The following AGBL1 variants were observed in gnomAD, a reference collection of about 807,000 sequenced individuals.
AGBL1 encodes AGBL carboxypeptidase 1.
Under a neutral mutation model 118.9 loss-of-function variants are expected in AGBL1, and 130 were observed. The ratio of observed to expected loss-of-function variants is 1.09; its 90% CI spans 0.95 to 1.26. The LOEUF (loss-of-function observed/expected upper bound fraction) is 1.26. AGBL1 is among the 50% of genes most tolerant of loss of function. The probability of loss-of-function intolerance (pLI) is 0.00; values close to 1 mark genes in which losing one functional copy is unlikely to be tolerated. For synonymous variants in AGBL1, 555 were observed against 478.9 expected, an observed-to-expected ratio of 1.16 and a Z score of -2.08; for missense variants, 1,584 against 1,298.1, an observed-to-expected ratio of 1.22 and a Z score of -3.38.
chr15:86,476,109 C>A (rs1439948957), intron 18 of AGBL1, among the ~76,000 whole-genome samples: 1 of 152,204 alleles, frequency 6.6e-6, no homozygotes, highest in Non-Finnish European at 1.5e-5. Context: ...ACAACCAGTA[C>A]CAGCCACTGC....
At chr15:86,225,371 A>G (rs547037649) in intron 6 of AGBL1, among the ~76,000 whole-genome samples, 18 of 152,298 alleles carry the variant, frequency 1.2e-4, no homozygotes, top group Non-Finnish European at 2.2e-4. Flanking sequence ...GGCTGGCTGG[A>G]GAGAAGTATT....
chr15:86,695,410 T>C (rs1434115439), intron 22 of AGBL1, among the ~76,000 whole-genome samples: 1 of 152,012 alleles, frequency 6.6e-6, no homozygotes, highest in Non-Finnish European at 1.5e-5. Flanking sequence ...CTGAATGATC[T>C]TTTGTATTTC....
intron 21 of AGBL1, among the ~76,000 whole-genome samples, chr15:86,634,638 G>T (rs1486030366): frequency 1.3e-5 from 2 of 152,086 alleles, no homozygotes; most frequent in African/African-American, 2.4e-5. Flanking sequence ...TAGTGGTGAG[G>T]CCTGTACAAC....
intron 5 of AGBL1, among the ~76,000 whole-genome samples, chr15:86,188,029 GT>G (rs2077660693): frequency 6.6e-6 from 1 of 152,170 alleles, no homozygotes; most frequent in Non-Finnish European, 1.5e-5. Context: ...ATAATTTAAA[GT>G]TTTTTCGTCT....
intron 23 of AGBL1, among the ~76,000 whole-genome samples, chr15:86,963,129 C>T (rs1487801401): frequency 6.6e-6 from 1 of 151,936 alleles, no homozygotes; most frequent in Non-Finnish European, 1.5e-5. Flanking sequence ...ATCTAAATAA[C>T]TGGATAAGAA....
In AGBL1 at chr15:86,764,499, T is replaced by C. The variant is rs370243361; in HGVS notation, c.3158+90063T>C. 7.2e-5 allele frequency among the ~76,000 whole-genome samples: 11 copies of C among 152,160 alleles called. 1 individual carries two copies. The East Asian group carries it at 1.7e-3, about 24-fold the overall frequency. On this transcript the variant is annotated intron_variant, in intron 22 of 22. Transcript: ENST00000614907. ...GTATTTTAAAAGGATCTGAGACAAA[T>C]ATATCAAATATTAACATAGGTTATA...
intron 22 of AGBL1, among the ~76,000 whole-genome samples, chr15:86,832,853 T>A (rs2079124366): frequency 3.9e-5 from 6 of 152,196 alleles, no homozygotes; most frequent in Admixed American, 3.9e-4. Context: ...CTGGTACCAA[T>A]TTACTGTATT....
At chr15:86,438,551 C>T (rs2082025113) in intron 18 of AGBL1, among the ~76,000 whole-genome samples, 1 of 151,920 alleles carries the variant, frequency 6.6e-6, no homozygotes, top group African/African-American at 2.4e-5. Context: ...AAATAAACAA[C>T]CAATAGTTTT....
At chr15:87,014,899 TAGA>T (rs2081594708) in intron 24 of AGBL1, among the ~76,000 whole-genome samples, 1 of 152,098 alleles carries the variant, frequency 6.6e-6, no homozygotes, top group Non-Finnish European at 1.5e-5. Context: ...GAGGGCTGCC[TAGA>T]TGGCTGGTGA....
intron 18 of AGBL1, among the ~76,000 whole-genome samples, chr15:86,484,347 A>G (rs2082688791): frequency 6.6e-6 from 1 of 152,106 alleles, no homozygotes; most frequent in Admixed American, 6.6e-5. Context: ...GCAGCGAATC[A>G]TTTTTATTTG....
intron 18 of AGBL1, among the ~76,000 whole-genome samples, chr15:86,424,033 T>G (rs1030168436): frequency 5.3e-5 from 8 of 152,130 alleles, no homozygotes; most frequent in Non-Finnish European, 1.0e-4. Context: ...AAAATCAACT[T>G]TAAATTTCAT....
At chr15:86,522,163 T>C (rs2083197780) in intron 18 of AGBL1, among the ~76,000 whole-genome samples, 1 of 152,180 alleles carries the variant, frequency 6.6e-6, no homozygotes, top group African/African-American at 2.4e-5. Context: ...TAAGGGAATG[T>C]ATGATTTTGA....
chr15:86,365,726 C>T (rs747226999), intron 17 of AGBL1, among the ~76,000 whole-genome samples: 3 of 151,874 alleles, frequency 2.0e-5, no homozygotes, highest in Non-Finnish European at 4.4e-5. Context: ...TTTCTAAGAA[C>T]CTTTAAGCTT....
chr15:86,114,958 A>G (rs574084556), intron 1 of AGBL1, among the ~76,000 whole-genome samples: 1 of 152,326 alleles, frequency 6.6e-6, no homozygotes, highest in African/African-American at 2.4e-5. Flanking sequence ...ATTGAACTTC[A>G]TGATAGGCTC....
chr15:86,545,884 A>G (rs1167941181), intron 19 of AGBL1, 118 bp from the exon 20 acceptor site: 16 of 1,271,866 alleles, frequency 1.3e-5, no homozygotes, highest in Non-Finnish European at 1.1e-6. Flanking sequence ...AGCATCCGAG[A>G]AAGTTGACAT....
At chr15:86,243,806 C>T (rs1172214631) in intron 6 of AGBL1, among the ~76,000 whole-genome samples, 9 of 151,958 alleles carry the variant, frequency 5.9e-5, no homozygotes, top group African/African-American at 1.7e-4. Context: ...GTCAGGAGTT[C>T]GAGCCCAGCC....
rs138926224 is a variant in AGBL1, at chr15:86,100,968, A to C, written c.51+20945A>C. Among the ~76,000 whole-genome samples the C allele has an allele frequency of 6.6e-3, 1,001 of 151,946 alleles. 5 individuals carry two copies. The highest frequency in any genetic ancestry group is 0.022 in the African/African-American group (926 of 41,462). ...TTTCATGTGCATTGTTAGAATGTTT[A>C]TTTGAAGTTTTTCTGCTTTTTTGAT... On this transcript the variant is annotated intron_variant, in intron 1 of 22. Coordinates refer to ENST00000614907, the MANE Select transcript of AGBL1 (RefSeq NM_001386094.1).
chr15:86,158,229 A>G (rs1223722742), intron 4 of AGBL1, among the ~76,000 whole-genome samples: 1 of 151,380 alleles, frequency 6.6e-6, no homozygotes, highest in Non-Finnish European at 1.5e-5. Context: ...TATCTGAAAG[A>G]CTGTAGTGAG....
At chr15:86,807,781 A>G (rs1242356976) in intron 22 of AGBL1, among the ~76,000 whole-genome samples, 1 of 152,152 alleles carries the variant, frequency 6.6e-6, no homozygotes, top group Non-Finnish European at 1.5e-5. Flanking sequence ...CTATTGTCAA[A>G]TAGGGAAAAC....
Sources: allele counts gnomAD v4.1 joint callset (sites outside exome capture counted in the v4.1 genomes callset), GRCh38; gene constraint gnomAD v4.1.1; transcripts MANE v1.5; gene names NCBI Gene and HGNC (gene_info 2026-07-23, HGNC 2026-07-21).